Variants in POLQ observed in about 807,000 individuals in gnomAD.
POLQ encodes the protein epididymis secretory sperm binding protein.
In POLQ, 233 loss-of-function variants were observed where a neutral mutation model predicts 259.2. The ratio of observed to expected loss-of-function variants is 0.90; its 90% CI spans 0.81 to 1.00. POLQ has a LOEUF of 1.00. POLQ is among the 50% of genes least tolerant of loss of function. POLQ has a pLI of 0.00. For missense variants in POLQ, 2,871 were observed against 3,051.6 expected, an observed-to-expected ratio of 0.94 and a Z score of 1.39; for synonymous variants, 1,025 against 1,048.8, an observed-to-expected ratio of 0.98 and a Z score of 0.44.
At chr3:121,442,339 T>C (rs1241157964) in intron 26 of POLQ, among the ~76,000 whole-genome samples, 1 of 152,206 alleles carries the variant, frequency 6.6e-6, no homozygotes, top group Non-Finnish European at 1.5e-5. Context: ...AAATGTACAA[T>C]TAATTATTAT....
At chr3:121,515,025 G>A (rs1307657411) in intron 9 of POLQ, among the ~76,000 whole-genome samples, 1 of 152,148 alleles carries the variant, frequency 6.6e-6, no homozygotes, top group East Asian at 1.9e-4. Context: ...TGCCCCAGGT[G>A]GAAGATGCCT....
intron 8 of POLQ, among the ~76,000 whole-genome samples, chr3:121,520,342 C>G (rs906200636): frequency 6.6e-6 from 1 of 152,008 alleles, no homozygotes; most frequent in African/African-American, 2.4e-5. Flanking sequence ...TCGAGACCAG[C>G]CTGGCCAACA....
At position 121,498,545 on chromosome 3, in the gene POLQ, G is replaced by A; in HGVS notation, c.2085C>T (p.Ala695=). The part of the protein sequence containing the change: ...ELVGVEEGFL[A]RCVKGKVVAR... Reference sequence around the variant, plus strand: ...CTACTACTTTTCCTTTCACACAACGGGCCAAGAACCCCTCTTCAACTCCCA... The same window carrying A: ...CTACTACTTTTCCTTTCACACAACGAGCCAAGAACCCCTCTTCAACTCCCA... The change falls in exon 13 of 30, where the codon GCC becomes GCT. Residue 695 remains alanine (A), a synonymous_variant. Transcript: ENST00000264233. The A allele has an allele frequency of 6.2e-7, 1 of 1,613,864 alleles. No homozygotes were observed. The highest frequency in any genetic ancestry group is 1.3e-5 in the African/African-American group (1 of 74,938).
chr3:121,457,749 G>A (rs1181412387), intron 25 of POLQ, among the ~76,000 whole-genome samples: 2 of 152,168 alleles, frequency 1.3e-5, no homozygotes, highest in Admixed American at 6.5e-5. Flanking sequence ...GTGCTGGAGA[G>A]GATGTGGAGA....
intron 22 of POLQ, among the ~76,000 whole-genome samples, chr3:121,469,976 T>C (rs1264121246): frequency 6.6e-6 from 1 of 152,204 alleles, no homozygotes; most frequent in Non-Finnish European, 1.5e-5. Context: ...TTATCTTCTG[T>C]TTTGTAAAGA....
At chr3:121,444,467 T>G (rs2047617185) in intron 26 of POLQ, among the ~76,000 whole-genome samples, 1 of 152,186 alleles carries the variant, frequency 6.6e-6, no homozygotes, top group African/African-American at 2.4e-5. Context: ...ACTAAGGAAT[T>G]TGTTTATCAG....
At chr3:121,540,335 C>T (rs977367155) in intron 3 of POLQ, among the ~76,000 whole-genome samples, 16 of 152,172 alleles carry the variant, frequency 1.1e-4, no homozygotes, top group Admixed American at 1.0e-3. Flanking sequence ...GAGGCCCAGC[C>T]AGTTATATGC....
Position 121,432,926 on chromosome 3 carries a change from C to T in POLQ, c.7651G>A (p.Val2551Ile), listed in dbSNP as rs1322820385. 3.2e-6 allele frequency: 5 copies of T among 1,572,984 alleles called. No homozygotes were observed. The highest frequency in any genetic ancestry group is 4.4e-6 in the Non-Finnish European group (5 of 1,142,758). Residue 2551 changes from valine (V) to isoleucine (I), a missense_variant, in exon 29 of 30, where the codon GTT becomes ATT. Physicochemically the swap from Val to Ile is conservative, Grantham distance 29. Coordinates refer to ENST00000264233, the MANE Select transcript of POLQ (RefSeq NM_199420.4). Reference protein sequence around the residue: ...ELLYEVAEEDVVQVAQIVKNE... With the variant: ...ELLYEVAEEDIVQVAQIVKNE... ...AAGCATTGCAAAAATACCTGAACAA[C>T]ATCTTCTTCTGCCACTTCATATAGG...
chr3:121,525,434 TACCTTG>T (rs1378050168), intron 7 of POLQ, among the ~76,000 whole-genome samples: 2 of 152,110 alleles, frequency 1.3e-5, no homozygotes, highest in Non-Finnish European at 2.9e-5. Context: ...TCATCATCTT[TACCTTG>T]AGTAGGCTGA....
intron 7 of POLQ, among the ~76,000 whole-genome samples, chr3:121,523,362 G>A (rs1343985605): frequency 1.3e-5 from 2 of 151,990 alleles, no homozygotes; most frequent in African/African-American, 4.8e-5. Context: ...CTTATATGTT[G>A]TCTTTAAAAA....
At chr3:121,544,586 C>T (rs2048515149) in intron 2 of POLQ, 141 bp downstream of exon 2, 2 of 567,394 alleles carry the variant, frequency 3.5e-6, no homozygotes, top group East Asian at 6.1e-5. Context: ...TAAAACTCCA[C>T]TTTTCACACA....
intron 25 of POLQ, among the ~76,000 whole-genome samples, chr3:121,451,629 G>T (rs1204943835): frequency 6.6e-6 from 1 of 152,202 alleles, no homozygotes; most frequent in Non-Finnish European, 1.5e-5. Context: ...AAATGTTGCT[G>T]CCTGATCGCT....
intron 19 of POLQ, among the ~76,000 whole-genome samples, chr3:121,479,654 T>C (rs1232644856): frequency 6.6e-6 from 1 of 152,016 alleles, no homozygotes; most frequent in African/African-American, 2.4e-5. Flanking sequence ...GGTTTCACCA[T>C]GTTGGCCAGG....
chr3:121,523,778 A>C (rs1350821926), intron 7 of POLQ, among the ~76,000 whole-genome samples: 1 of 152,208 alleles, frequency 6.6e-6, no homozygotes, highest in African/African-American at 2.4e-5. Context: ...TAGAATTATT[A>C]TATGTCAGTT....
At chr3:121,500,866 C>T (rs2048161771) in intron 12 of POLQ, among the ~76,000 whole-genome samples, 1 of 152,190 alleles carries the variant, frequency 6.6e-6, no homozygotes, top group African/African-American at 2.4e-5. Flanking sequence ...TAAGAGCTAA[C>T]TTCTCACCAG....
chr3:121,511,383 C>T (rs1260100416), intron 10 of POLQ, among the ~76,000 whole-genome samples: 3 of 151,492 alleles, frequency 2.0e-5, no homozygotes, highest in Non-Finnish European at 4.4e-5. Context: ...GGCAACAGAG[C>T]GAGACTTCAT....
chr3:121,458,219 A>C lies in POLQ; in HGVS notation c.7152+1831T>G, dbSNP rs888323085. ...ATGGACACAGGAAGGGGAACATCAC[A>C]CTCTGGGGACTGTTGTGTGGTGGGG... On this transcript the variant is annotated intron_variant, in intron 25 of 29. Coordinates refer to ENST00000264233, the MANE Select transcript of POLQ (RefSeq NM_199420.4). Among the ~76,000 whole-genome samples the C allele has an allele frequency of 5.3e-5, 8 of 151,586 alleles. No homozygotes were observed. The East Asian group carries it at 1.6e-3, about 29-fold the overall frequency.
rs1381296416 is a variant in POLQ, at chr3:121,545,888, T to C, written c.-11A>G. 4.3e-6 allele frequency: 7 copies of C among 1,612,898 alleles called. No homozygotes were observed. The Admixed American group carries it at 1.0e-4, about 23-fold the overall frequency. On this transcript the variant is annotated 5_prime_UTR_variant, in exon 1 of 30. Coordinates refer to ENST00000264233, the MANE Select transcript of POLQ (RefSeq NM_199420.4). ...ACGCAGAAGATTCATGGCAAACTCT[T>C]CTCGGCCGATCAGGGCAAGCCACAG...
At chr3:121,441,195 C>T (rs2047589443) in intron 26 of POLQ, among the ~76,000 whole-genome samples, 1 of 152,108 alleles carries the variant, frequency 6.6e-6, no homozygotes, top group Non-Finnish European at 1.5e-5. Context: ...TCTACAAAAT[C>T]TCTTACCAAA....
Sources: gnomAD v4.1 joint callset for allele counts (sites outside exome capture counted in the v4.1 genomes callset) on GRCh38, gnomAD v4.1.1 for gene constraint, MANE v1.5 for transcripts, NCBI Gene and HGNC (gene_info 2026-07-23, HGNC 2026-07-21) for gene names.